Variants in ARL13B observed in about 807,000 individuals in gnomAD.
ARL13B encodes ADP-ribosylation factor-like protein 13B.
In ARL13B, 36 loss-of-function variants were observed where a neutral mutation model predicts 56.1. The observed-to-expected ratio is 0.64, with a 90% CI of 0.49 to 0.85. ARL13B has a LOEUF of 0.85. Among genes scored for constraint, ARL13B ranks in the 40% least tolerant of loss-of-function variants. The pLI is 0.00. For synonymous variants in ARL13B, 178 were observed against 171.1 expected (o/e 1.04, Z -0.32); for missense variants, 519 against 507.1 (o/e 1.02, Z -0.23).
At chr3:94,013,273 C>A (rs1245456414) in intron 3 of ARL13B, among the ~76,000 whole-genome samples, 1 of 152,184 alleles carries the variant, frequency 6.6e-6, no homozygotes, top group Admixed American at 6.5e-5. Context: ...CATTTCATTG[C>A]CCTTTTAAGT....
Position 94,049,514 on chromosome 3 carries a change from C to T in ARL13B, c.1133C>T (p.Pro378Leu), listed in dbSNP as rs1385061611. 4 of 1,598,288 alleles carry T rather than the reference C, an allele frequency of 2.5e-6. No homozygotes were observed. The highest frequency in any genetic ancestry group is 1.7e-5 in the Admixed American group (1 of 59,702). Reference sequence around the variant, plus strand: ...GAGAGTCCAACGCCACCCCCACCCCCTCCTCCTGGTGAGTAAATTGATACT... The same window carrying T: ...GAGAGTCCAACGCCACCCCCACCCCTTCCTCCTGGTGAGTAAATTGATACT... ...APESPTPPPPPPPVGWGTPKV... is the reference protein window; with the variant it reads ...APESPTPPPPLPPVGWGTPKV... Residue 378 changes from proline (P) to leucine (L), a missense_variant, in exon 8 of 10, where the codon CCT becomes CTT. Coordinates refer to ENST00000394222, the MANE Select transcript of ARL13B (RefSeq NM_001174150.2).
chr3:94,052,384 T>TGGAGTACTGTGCACAGTA (rs1405313937), intron 9 of ARL13B, among the ~76,000 whole-genome samples: 4 of 152,088 alleles, frequency 2.6e-5, no homozygotes, highest in Non-Finnish European at 5.9e-5. Flanking sequence ...GGTGTACAGT[T>TGGAGTACTGTGCACAGTA]GGAGTACTGT....
chr3:94,030,393 A>ATT lies in ARL13B; in HGVS notation c.381-4918_381-4917dup, dbSNP rs11299685. Among the ~76,000 whole-genome samples, 103 of 119,934 alleles carry ATT rather than the reference A, an allele frequency of 8.6e-4. 1 individual carries two copies. Among genetic ancestry groups the ATT allele is most frequent in the Non-Finnish European group, 1.4e-3 (82 of 58,448 alleles). 78.7% of individuals were successfully genotyped at this position (119,934 alleles called of 152,430 possible). ...AGGTGCACGCCACCACGCCTGGCTCATTTTTTTTTTTTTTTTTTTTTAGTA... is the reference window on the plus strand; with the variant it reads ...AGGTGCACGCCACCACGCCTGGCTCATTTTTTTTTTTTTTTTTTTTTTTAGTA... On this transcript the variant is annotated intron_variant, in intron 3 of 9. Transcript: ENST00000394222.
chr3:94,014,341 C>G, intron 3 of ARL13B: 1 of 1,453,644 alleles, frequency 6.9e-7, no homozygotes, highest in Non-Finnish European at 9.2e-7. Flanking sequence ...GAAATATAAG[C>G]TATCTTTTAC....
chr3:94,049,621 A>G (rs1460767294), intron 8 of ARL13B, 99 bp downstream of exon 8: 13 of 925,500 alleles, frequency 1.4e-5, no homozygotes, highest in Non-Finnish European at 2.2e-5. Flanking sequence ...TATTCTGTAT[A>G]TTCATTATCT....
intron 7 of ARL13B, among the ~76,000 whole-genome samples, chr3:94,048,812 T>A (rs2107188721): frequency 6.6e-6 from 1 of 152,258 alleles, no homozygotes; most frequent in South Asian, 2.1e-4. Context: ...CCCAGACCAT[T>A]CTCTTAACTC....
rs1288587545 is a variant in ARL13B at position 94,036,510 on chromosome 3, G to A, written c.487-42G>A. 14 of 1,585,586 alleles carry A rather than the reference G, an allele frequency of 8.8e-6. No homozygotes were observed. In the South Asian group the frequency reaches 1.4e-4, roughly 16 times the overall value. Reference sequence around the variant, plus strand: ...TAATGGTTTATGAATAGATTTGTGTGGAGACCTTTTAATCTTTTAGTCAAA... The same window carrying A: ...TAATGGTTTATGAATAGATTTGTGTAGAGACCTTTTAATCTTTTAGTCAAA... On this transcript the variant is annotated intron_variant, in intron 4 of 9. Transcript: ENST00000394222.
chr3:94,029,154 A>G (rs55763406), intron 3 of ARL13B, among the ~76,000 whole-genome samples: 1 of 150,902 alleles, frequency 6.6e-6, no homozygotes, highest in African/African-American at 2.4e-5. Context: ...TAACAACTCA[A>G]AATTAATTTA....
chr3:93,982,487 T>C (rs1710267163), intron 1 of ARL13B, among the ~76,000 whole-genome samples: 1 of 152,238 alleles, frequency 6.6e-6, no homozygotes, highest in Non-Finnish European at 1.5e-5. Flanking sequence ...CAGCATCTTA[T>C]CAGTCTTTTA....
At chr3:93,993,406 C>T (rs57352787) in intron 1 of ARL13B, among the ~76,000 whole-genome samples, 3 of 152,186 alleles carry the variant, frequency 2.0e-5, no homozygotes, top group Non-Finnish European at 2.9e-5. Context: ...GGATTACAGG[C>T]GTGAGCCACC....
chr3:93,999,058 G>A (rs2076011567), intron 2 of ARL13B, among the ~76,000 whole-genome samples: 1 of 150,632 alleles, frequency 6.6e-6, no homozygotes, highest in African/African-American at 2.4e-5. Flanking sequence ...TATCTATGAT[G>A]TCACAGTAGC....
At position 94,055,329 on chromosome 3, in the gene ARL13B, A is replaced by G. The variant is rs1396770230; in HGVS notation, c.*2066A>G. ...TAGATTTAAATGATTTCCTTTGGGT[A>G]ATAAAATAGGTAAAGATTTTAAAAT... On this transcript the variant is annotated 3_prime_UTR_variant, in exon 10 of 10. Transcript: ENST00000394222. 2.3e-6 allele frequency: 1 copy of G among 433,494 alleles called. No homozygotes were observed. The allele number at this position is 433,494 out of a possible 1,614,324, so 26.9% of individuals were successfully genotyped here.
chr3:94,031,613 TC>T (rs2076677981), intron 3 of ARL13B, among the ~76,000 whole-genome samples: 1 of 152,092 alleles, frequency 6.6e-6, no homozygotes, highest in Admixed American at 6.6e-5. Context: ...TTGAAACACA[TC>T]AAATACATTT....
At chr3:93,981,884 A>G (rs1308703216) in intron 1 of ARL13B, among the ~76,000 whole-genome samples, 8 of 150,890 alleles carry the variant, frequency 5.3e-5, no homozygotes, top group Admixed American at 1.3e-4. Flanking sequence ...AAAAAAAAAA[A>G]AAAAAGAAAA....
chr3:94,027,949 A>G lies in ARL13B; in HGVS notation c.381-7382A>G, dbSNP rs2076592037. On this transcript the variant is annotated intron_variant, in intron 3 of 9. Transcript: ENST00000394222. ...CAAATTATTTCAGATTTTTAAGGTTATACGTATGTGTCAAATTTGGGTATA... is the reference window on the plus strand; with the variant it reads ...CAAATTATTTCAGATTTTTAAGGTTGTACGTATGTGTCAAATTTGGGTATA... Among the ~76,000 whole-genome samples, 3 of 152,130 alleles carry G rather than the reference A, an allele frequency of 2.0e-5. No individual in the cohort carries two copies. The South Asian group carries it at 6.2e-4, about 31-fold the overall frequency.
At chr3:93,991,439 G>A (rs2075873363) in intron 1 of ARL13B, among the ~76,000 whole-genome samples, 2 of 152,144 alleles carry the variant, frequency 1.3e-5, no homozygotes, top group African/African-American at 4.8e-5. Flanking sequence ...CAGTGCAGTG[G>A]TGCAGTCATG....
chr3:94,012,470 T>C (rs780865033), intron 3 of ARL13B, among the ~76,000 whole-genome samples: 1 of 152,178 alleles, frequency 6.6e-6, no homozygotes, highest in Non-Finnish European at 1.5e-5. Context: ...AATCTAACTT[T>C]TTCCACCACC....
chr3:94,043,806 C>T (rs1455476039), intron 7 of ARL13B, among the ~76,000 whole-genome samples: 6 of 146,278 alleles, frequency 4.1e-5, no homozygotes, highest in South Asian at 2.3e-4. Context: ...TCCAGGCACG[C>T]GCCGCCACTC....
intron 8 of ARL13B, 53 bp downstream of exon 8, chr3:94,049,575 A>AT: frequency 4.9e-6 from 6 of 1,219,330 alleles, no homozygotes; most frequent in Non-Finnish European, 6.0e-6. Context: ...TAAACAACAG[A>AT]GAAAAAAAAA....
Sources: allele counts gnomAD v4.1 joint callset (sites outside exome capture counted in the v4.1 genomes callset), GRCh38; gene constraint gnomAD v4.1.1; transcripts MANE v1.5; gene names NCBI Gene and HGNC (gene_info 2026-07-23, HGNC 2026-07-21).